Variants in RFX3 observed in about 807,000 individuals in gnomAD.
RFX3 encodes the protein regulatory factor X3, also known as transcription factor RFX3.
A neutral mutation model predicts 98.6 loss-of-function variants in RFX3; 14 were observed. That is an observed-to-expected ratio of 0.14 (90% CI 0.09 to 0.22). RFX3 has a LOEUF of 0.22. Among genes scored for constraint, RFX3 ranks in the 10% least tolerant of loss-of-function variants. The pLI is 1.00. For synonymous variants in RFX3, 383 were observed against 328.4 expected (o/e 1.17, Z -1.80); for missense variants, 639 against 926.9 (o/e 0.69, Z 4.03).
At chr9:3,351,986 G>A (rs1340611353) in intron 2 of RFX3, among the ~76,000 whole-genome samples, 5 of 151,798 alleles carry the variant, frequency 3.3e-5, no homozygotes, top group African/African-American at 7.2e-5. Flanking sequence ...CAAAAAATAC[G>A]TAATTTATAA....
At chr9:3,237,459 AATG>A in intron 15 of RFX3, among the ~76,000 whole-genome samples, 1 of 152,308 alleles carries the variant, frequency 6.6e-6, no homozygotes, top group East Asian at 1.9e-4. Flanking sequence ...TGGTCCAAAA[AATG>A]ATGATCTAAT....
At chr9:3,439,333 T>C (rs1432449820) in intron 1 of RFX3, among the ~76,000 whole-genome samples, 1 of 151,746 alleles carries the variant, frequency 6.6e-6, no homozygotes, top group Non-Finnish European at 1.5e-5. Flanking sequence ...TCAAATTCAT[T>C]GAAATAGAAA....
In RFX3 at chr9:3,395,469, T is replaced by G; in HGVS notation, c.117+3A>C. ...ATCTTTTCTAAGAGCAGCAGCTCCT[T>G]ACCTGTTGTTGTACTGGTACTTGCT... is the stretch of plus-strand genomic sequence containing the variant. On this transcript the variant is annotated splice_donor_region_variant and intron_variant, in intron 2 of 16. Coordinates refer to ENST00000617270, the MANE Select transcript of RFX3 (RefSeq NM_001282116.2). 1 of 1,613,726 alleles carries G rather than the reference T, an allele frequency of 6.2e-7. No homozygotes were observed. Among genetic ancestry groups the G allele is most frequent in the Non-Finnish European group, 8.5e-7 (1 of 1,179,674 alleles).
intron 1 of RFX3, among the ~76,000 whole-genome samples, chr9:3,421,553 T>G (rs1479399807): frequency 6.6e-6 from 1 of 152,218 alleles, no homozygotes; most frequent in African/African-American, 2.4e-5. Flanking sequence ...TCCTTATTGT[T>G]GTACAGAATA....
chr9:3,238,554 G>C (rs1819490243), intron 15 of RFX3, among the ~76,000 whole-genome samples: 1 of 152,156 alleles, frequency 6.6e-6, no homozygotes, highest in Non-Finnish European at 1.5e-5. Flanking sequence ...TGAAGAAATA[G>C]GCCCTTTAAA....
At position 3,312,751 on chromosome 9, in the gene RFX3, G is replaced by A. The variant is rs146830917; in HGVS notation, c.475-11131C>T. Among the ~76,000 whole-genome samples, 15 of 152,300 alleles carry A rather than the reference G, an allele frequency of 9.8e-5. No individual in the cohort carries two copies. The East Asian group carries it at 2.7e-3, about 28-fold the overall frequency. ...CTGGCTCAGGGGGTCCCACGCCCAT[G>A]GAGCCTCGCTCACTGCTAGCACACC... On this transcript the variant is annotated intron_variant, in intron 4 of 16. Coordinates refer to ENST00000617270, the MANE Select transcript of RFX3 (RefSeq NM_001282116.2).
At chr9:3,508,333 A>T (rs1335299211) in intron 1 of RFX3, among the ~76,000 whole-genome samples, 1 of 151,946 alleles carries the variant, frequency 6.6e-6, no homozygotes, top group Non-Finnish European at 1.5e-5. Context: ...TTTGAATTAC[A>T]CTTTCAATAT....
intron 1 of RFX3, among the ~76,000 whole-genome samples, chr9:3,400,857 A>G (rs565916296): frequency 3.9e-5 from 6 of 152,226 alleles, no homozygotes; most frequent in Non-Finnish European, 7.3e-5. Flanking sequence ...AAACTGAGGC[A>G]CAAATGGATT....
chr9:3,410,302 T>C (rs1242334368), intron 1 of RFX3, among the ~76,000 whole-genome samples: 3 of 151,766 alleles, frequency 2.0e-5, no homozygotes, highest in Non-Finnish European at 4.4e-5. Context: ...ACCAAAATAC[T>C]TTACATAGAG....
At chr9:3,480,994 A>T (rs918844955) in intron 1 of RFX3, among the ~76,000 whole-genome samples, 1 of 152,196 alleles carries the variant, frequency 6.6e-6, no homozygotes, top group African/African-American at 2.4e-5. Flanking sequence ...CTACCACAGC[A>T]ATATTATATA....
chr9:3,467,619 A>G (rs1353825711), intron 1 of RFX3, among the ~76,000 whole-genome samples: 1 of 152,166 alleles, frequency 6.6e-6, no homozygotes, highest in African/African-American at 2.4e-5. Flanking sequence ...GCTCTTTATT[A>G]ATTATAAATC....
chr9:3,279,078 A>AT (rs151027370), intron 7 of RFX3, among the ~76,000 whole-genome samples: 7 of 151,224 alleles, frequency 4.6e-5, no homozygotes, highest in Admixed American at 1.3e-4. Flanking sequence ...TGTTTTTCTG[A>AT]TTTTTTTTTC....
chr9:3,399,779 G>A (rs938948040), intron 1 of RFX3, among the ~76,000 whole-genome samples: 17 of 151,480 alleles, frequency 1.1e-4, no homozygotes, highest in Non-Finnish European at 1.8e-4. Flanking sequence ...GTGAAACCCC[G>A]CCTCTACTAA....
intron 7 of RFX3, among the ~76,000 whole-genome samples, chr9:3,285,132 A>T (rs1826409736): frequency 6.6e-6 from 1 of 151,894 alleles, no homozygotes; most frequent in Non-Finnish European, 1.5e-5. Flanking sequence ...ATCACTGCAT[A>T]GACTTGCATT....
At chr9:3,316,162 A>C (rs1440277535) in intron 4 of RFX3, among the ~76,000 whole-genome samples, 2 of 152,218 alleles carry the variant, frequency 1.3e-5, no homozygotes, top group Admixed American at 1.3e-4. Flanking sequence ...CAGTACATCT[A>C]AAACCCTATC....
chr9:3,364,621 T>C lies in RFX3; in HGVS notation c.118-17857A>G, dbSNP rs182001579. The C allele has an allele frequency of 5.1e-4, 85 of 165,338 alleles. No individual in the cohort carries two copies. The South Asian group carries it at 9.9e-3, about 19-fold the overall frequency. 10.2% of individuals were successfully genotyped at this position (165,338 alleles called of 1,614,324 possible). On this transcript the variant is annotated intron_variant, in intron 2 of 16. Transcript: ENST00000617270. ...AAGAGATTGACCAATCAAAATGTTA[T>C]CTGTCAAGGCAATTTGCATCTTATT... is the stretch of plus-strand genomic sequence containing the variant.
chr9:3,380,733 T>A (rs567917516), intron 2 of RFX3, among the ~76,000 whole-genome samples: 4 of 152,216 alleles, frequency 2.6e-5, no homozygotes, highest in African/African-American at 9.6e-5. Flanking sequence ...AAAATGAAGA[T>A]AGAAATATAA....
At chr9:3,320,768 CAT>C (rs34990458) in intron 4 of RFX3, among the ~76,000 whole-genome samples, 5,847 of 84,758 alleles carry the variant, frequency 0.069, 116 homozygotes, top group Non-Finnish European at 0.08. Flanking sequence ...TGCTACATAG[CAT>C]ATATATATAT....
intron 2 of RFX3, among the ~76,000 whole-genome samples, chr9:3,347,089 A>T (rs751960506): frequency 5.9e-5 from 9 of 152,250 alleles, no homozygotes; most frequent in South Asian, 2.1e-4. Flanking sequence ...AGGAGGCCAA[A>T]GTGGGCAGAT....
Sources: gnomAD v4.1 joint callset for allele counts (sites outside exome capture counted in the v4.1 genomes callset) on GRCh38, gnomAD v4.1.1 for gene constraint, MANE v1.5 for transcripts, NCBI Gene and HGNC (gene_info 2026-07-23, HGNC 2026-07-21) for gene names.